NRG1: variants seen among roughly 807,000 people sequenced by gnomAD.
The protein encoded by NRG1 is neuregulin 1.
In NRG1, 18 loss-of-function variants were observed where a neutral mutation model predicts 63.8. That is an observed-to-expected ratio of 0.28 (90% CI 0.19 to 0.42). NRG1 has a LOEUF of 0.42. NRG1 is among the 10% of genes least tolerant of loss of function. The pLI, the probability that NRG1 is intolerant of heterozygous loss-of-function variation, is 1.00. For missense variants in NRG1, 762 were observed against 814.7 expected (o/e 0.94, Z 0.79); for synonymous variants, 302 against 301.3 (o/e 1.00, Z -0.02).
At chr8:32,301,096 T>G (rs975980289) in intron 1 of NRG1, among the ~76,000 whole-genome samples, 3 of 152,180 alleles carry the variant, frequency 2.0e-5, no homozygotes, top group African/African-American at 7.2e-5. Context: ...TTTCTAAGAA[T>G]AACCTGAATA....
chr8:32,676,684 A>G (rs1807206244), intron 5 of NRG1, among the ~76,000 whole-genome samples: 1 of 152,164 alleles, frequency 6.6e-6, no homozygotes. Flanking sequence ...TCAGATAGGC[A>G]TGGATTGAGT....
At chr8:32,723,243 T>G (rs1430039205) in intron 5 of NRG1, among the ~76,000 whole-genome samples, 1 of 152,180 alleles carries the variant, frequency 6.6e-6, no homozygotes, top group Non-Finnish European at 1.5e-5. Flanking sequence ...TTGGACCTGA[T>G]TCTTCCCAGC....
intron 1 of NRG1, among the ~76,000 whole-genome samples, chr8:32,097,957 C>A (rs1321064054): frequency 1.3e-5 from 2 of 152,140 alleles, no homozygotes; most frequent in African/African-American, 4.8e-5. Flanking sequence ...ATTTAGAAGA[C>A]ATTGGAATAT....
intron 1 of NRG1, among the ~76,000 whole-genome samples, chr8:31,670,037 A>C (rs1806963343): frequency 6.6e-6 from 1 of 152,186 alleles, no homozygotes; most frequent in Non-Finnish European, 1.5e-5. Context: ...CTTTATAGAA[A>C]GGAAAATTTT....
chr8:32,190,215 C>T (rs975816156), intron 1 of NRG1, among the ~76,000 whole-genome samples: 1 of 150,314 alleles, frequency 6.7e-6, no homozygotes, highest in Non-Finnish European at 1.5e-5. Flanking sequence ...TTTCTATTTA[C>T]TCTTTCTTTT....
At chr8:32,501,227 T>C (rs28782212) in intron 1 of NRG1, among the ~76,000 whole-genome samples, 86,872 of 152,028 alleles carry the variant, frequency 0.57, 25,226 homozygotes, top group East Asian at 0.79. Flanking sequence ...GAAATTTGGT[T>C]GTTTCTCTGA....
intron 1 of NRG1, among the ~76,000 whole-genome samples, chr8:31,755,558 G>T (rs1319994460): frequency 6.6e-6 from 1 of 152,072 alleles, no homozygotes; most frequent in Non-Finnish European, 1.5e-5. Flanking sequence ...CGTGTTTCTT[G>T]AACCTCACTG....
intron 1 of NRG1, among the ~76,000 whole-genome samples, chr8:31,651,158 A>G (rs938842830): frequency 4.2e-4 from 64 of 152,148 alleles, no homozygotes; most frequent in African/African-American, 1.4e-3. Context: ...ATGAGAGGGA[A>G]CCTTCAAGGG....
intron 1 of NRG1, among the ~76,000 whole-genome samples, chr8:32,428,025 G>A (rs577400373): frequency 1.2e-4 from 18 of 152,326 alleles, no homozygotes; most frequent in South Asian, 2.1e-4. Flanking sequence ...GTTGGCCAGC[G>A]TTGACTGGGG....
chr8:32,339,988 A>C (rs1178339992), intron 1 of NRG1, among the ~76,000 whole-genome samples: 1 of 152,072 alleles, frequency 6.6e-6, no homozygotes, highest in African/African-American at 2.4e-5. Context: ...GTCAGACAGG[A>C]ATGACTGCAA....
chr8:32,149,064 C>A (rs995946161), intron 1 of NRG1, among the ~76,000 whole-genome samples: 3 of 152,160 alleles, frequency 2.0e-5, no homozygotes, highest in Non-Finnish European at 4.4e-5. Context: ...GTTATGTGGA[C>A]TTGGGCAAGC....
intron 1 of NRG1, among the ~76,000 whole-genome samples, chr8:32,289,876 T>C (rs1407308168): frequency 6.6e-6 from 1 of 152,204 alleles, no homozygotes; most frequent in African/African-American, 2.4e-5. Flanking sequence ...CGATTTAACA[T>C]TTTAAATTGG....
intron 1 of NRG1, among the ~76,000 whole-genome samples, chr8:31,916,819 C>A (rs1833431562): frequency 6.6e-6 from 1 of 151,708 alleles, no homozygotes; most frequent in Non-Finnish European, 1.5e-5. Flanking sequence ...ACAGTCCCAC[C>A]AACAATGTAA....
intron 1 of NRG1, among the ~76,000 whole-genome samples, chr8:32,103,471 T>C (rs1585311006): frequency 6.6e-6 from 1 of 152,358 alleles, no homozygotes; most frequent in Non-Finnish European, 1.5e-5. Context: ...TATTGGCTAT[T>C]GTGAACAGTG....
intron 5 of NRG1, among the ~76,000 whole-genome samples, chr8:32,643,249 T>C (rs1436998507): frequency 1.3e-5 from 2 of 152,238 alleles, no homozygotes; most frequent in Admixed American, 6.5e-5. Flanking sequence ...TCCCTCAAGA[T>C]TTATTTCTTC....
intron 1 of NRG1, among the ~76,000 whole-genome samples, chr8:31,769,452 G>T (rs1451571499): frequency 1.3e-5 from 2 of 152,166 alleles, no homozygotes; most frequent in Non-Finnish European, 2.9e-5. Flanking sequence ...TTCATTGTCA[G>T]CTACTAGAAC....
intron 1 of NRG1, among the ~76,000 whole-genome samples, chr8:31,780,276 T>C (rs1819552726): frequency 6.6e-6 from 1 of 152,206 alleles, no homozygotes; most frequent in Non-Finnish European, 1.5e-5. Flanking sequence ...CTAGCTTGTT[T>C]ACTTGTTCTT....
chr8:32,437,730 C>A (rs1818968270), intron 1 of NRG1, among the ~76,000 whole-genome samples: 2 of 152,124 alleles, frequency 1.3e-5, no homozygotes, highest in South Asian at 4.1e-4. Flanking sequence ...AACATAACAC[C>A]ATCCTTTCTT....
At chr8:32,345,653 A>ATTTAAT (rs1804785525) in intron 1 of NRG1, among the ~76,000 whole-genome samples, 3 of 152,218 alleles carry the variant, frequency 2.0e-5, no homozygotes, top group African/African-American at 7.2e-5. Context: ...TTAAATTAAA[A>ATTTAAT]GTAATACATT....
Sources: allele counts gnomAD v4.1 joint callset (sites outside exome capture counted in the v4.1 genomes callset), GRCh38; gene constraint gnomAD v4.1.1; transcripts MANE v1.5; gene names NCBI Gene and HGNC (gene_info 2026-07-23, HGNC 2026-07-21).